Variants in JAKMIP1 observed in about 807,000 individuals in gnomAD.
JAKMIP1 encodes janus kinase and microtubule interacting protein 1, also known as janus kinase and microtubule-interacting protein 1.
In JAKMIP1, 33 loss-of-function variants were observed where a neutral mutation model predicts 113.0. The observed-to-expected ratio is 0.29, with a 90% confidence interval of 0.22 to 0.39. The LOEUF is 0.39. Among genes scored for constraint, JAKMIP1 ranks in the 10% least tolerant of loss-of-function variants. JAKMIP1 has a pLI of 1.00. For missense variants in JAKMIP1, 813 were observed against 1,080.5 expected, an observed-to-expected ratio of 0.75 and a Z score of 3.47; for synonymous variants, 480 against 459.9, an observed-to-expected ratio of 1.04 and a Z score of -0.56.
At position 6,136,073 on chromosome 4, in the gene JAKMIP1, C is replaced by A. The variant is rs370483241; in HGVS notation, c.-147-23076G>T. Among the ~76,000 whole-genome samples the A allele has an allele frequency of 6.0e-4, 91 of 152,182 alleles. 1 individual carries two copies. Among genetic ancestry groups the A allele is most frequent in the African/African-American group, 2.0e-3 (85 of 41,502 alleles). Reference sequence around the variant, plus strand: ...TCAGCCTGGCGAACAGGGTGAAACCCCATCTCTACTAAAGATACAAAAATT... The same window carrying A: ...TCAGCCTGGCGAACAGGGTGAAACCACATCTCTACTAAAGATACAAAAATT... On this transcript the variant is annotated intron_variant, in intron 1 of 20. Coordinates refer to ENST00000409021, the MANE Select transcript of JAKMIP1 (RefSeq NM_001099433.2). This position sits in a 1 kb window ranked among gnomAD's most constrained non-coding sequence, Gnocchi z 5.9.
rs368722129 is a variant in JAKMIP1, at chr4:6,164,078, C to A, written c.-148+36175G>T. On this transcript the variant is annotated intron_variant, in intron 1 of 20. Transcript: ENST00000409021. ...AACATCATTCATGAAGGTGGCTACA[C>A]TGAACAACAGATTTTCCATGCAGAT... is the stretch of plus-strand genomic sequence containing the variant. Among the ~76,000 whole-genome samples, 205 of 152,334 alleles carry A rather than the reference C, an allele frequency of 1.3e-3. 1 individual carries two copies. The South Asian group carries it at 0.04, about 30-fold the overall frequency.
At chr4:6,189,084 A>C (rs770344585) in intron 1 of JAKMIP1, among the ~76,000 whole-genome samples, 2 of 152,222 alleles carry the variant, frequency 1.3e-5, no homozygotes, top group Admixed American at 6.5e-5. Flanking sequence ...AACATCCAGA[A>C]AGAAGGTTTG....
intron 8 of JAKMIP1, among the ~76,000 whole-genome samples, chr4:6,071,386 C>T (rs943326477): frequency 6.6e-6 from 1 of 152,154 alleles, no homozygotes; most frequent in Non-Finnish European, 1.5e-5. Flanking sequence ...CAATCTGGAA[C>T]CTTTGCCTCA....
Position 6,183,886 on chromosome 4 carries a change from A to G in JAKMIP1, c.-148+16367T>C, listed in dbSNP as rs1225639356. ...CCAAAAACGGAATCACAAATGCGGT[A>G]TGCAAATCGTCACAACAGAATATTT... On this transcript the variant is annotated intron_variant, in intron 1 of 20. Coordinates refer to ENST00000409021, the MANE Select transcript of JAKMIP1 (RefSeq NM_001099433.2). The surrounding 1 kb of genome is among the most constrained non-coding windows in gnomAD (Gnocchi z 5.3). 6.6e-6 allele frequency among the ~76,000 whole-genome samples: 1 copy of G among 152,190 alleles called. No individual in the cohort carries two copies. The highest frequency in any genetic ancestry group is 6.5e-5 in the Admixed American group (1 of 15,284).
intron 1 of JAKMIP1, among the ~76,000 whole-genome samples, chr4:6,163,215 G>C (rs4689350): frequency 0.094 from 14,272 of 152,192 alleles, 1,735 homozygotes; most frequent in African/African-American, 0.28. Context: ...TTACGTTTTT[G>C]ACAAATTGAA....
Position 6,138,689 on chromosome 4 carries a change from C to T in JAKMIP1, c.-147-25692G>A, listed in dbSNP as rs1182109829. Among the ~76,000 whole-genome samples the T allele has an allele frequency of 2.0e-5, 3 of 152,098 alleles. No homozygotes were observed. The highest frequency in any genetic ancestry group is 4.4e-5 in the Non-Finnish European group (3 of 68,024). ...TCACGTTCTAGAACCACGGAATGGC[C>T]GTGCAGTGGCGTGTTCTCAACGGCC... On this transcript the variant is annotated intron_variant, in intron 1 of 20. Transcript: ENST00000409021. This position sits in a 1 kb window ranked among gnomAD's most constrained non-coding sequence, Gnocchi z 6.0.
intron 8 of JAKMIP1, among the ~76,000 whole-genome samples, chr4:6,073,077 TAAA>T (rs5855900): frequency 9.7e-5 from 12 of 123,880 alleles, no homozygotes; most frequent in African/African-American, 2.1e-4. Context: ...AACTCTGTCT[TAAA>T]AAAAAAAAAA....
chr4:6,090,012 AGGAGTC>A (rs1721816003), intron 3 of JAKMIP1, among the ~76,000 whole-genome samples: 1 of 152,310 alleles, frequency 6.6e-6, no homozygotes, highest in African/African-American at 2.4e-5. Context: ...ACCTGGGGTC[AGGAGTC>A]TGAGACCAAC....
chr4:6,054,777 C>G (rs765653136), intron 12 of JAKMIP1: 2 of 456,764 alleles, frequency 4.4e-6, no homozygotes, highest in South Asian at 3.1e-5. Context: ...ACAGCAGCAC[C>G]CATCGCCTGG....
intron 3 of JAKMIP1, among the ~76,000 whole-genome samples, chr4:6,090,300 T>G (rs1721867977): frequency 6.6e-6 from 1 of 151,630 alleles, no homozygotes; most frequent in African/African-American, 2.4e-5. Context: ...GAGACTGAAG[T>G]GGTGCGACTG....
chr4:6,048,086 A>T (rs1276183233), intron 16 of JAKMIP1, among the ~76,000 whole-genome samples: 1 of 152,238 alleles, frequency 6.6e-6, no homozygotes, highest in African/African-American at 2.4e-5. Flanking sequence ...TAGATAATAC[A>T]CATAAAAAAC....
In JAKMIP1 at chr4:6,076,253, C is replaced by T. The variant is rs1454978267; in HGVS notation, c.1302+2686G>A. On this transcript the variant is annotated intron_variant, in intron 8 of 20. Coordinates refer to ENST00000409021, the MANE Select transcript of JAKMIP1 (RefSeq NM_001099433.2). This position sits in a 1 kb window ranked among gnomAD's most constrained non-coding sequence, Gnocchi z 4.8. ...ATATAGACAAGTTCTACTCAAACCA[C>T]TTCCTATTTCTGAGTTTCTAATGTC... is the stretch of plus-strand genomic sequence containing the variant. 1.3e-5 allele frequency among the ~76,000 whole-genome samples: 2 copies of T among 152,150 alleles called. No individual in the cohort carries two copies. The highest frequency in any genetic ancestry group is 4.8e-5 in the African/African-American group (2 of 41,446).
At chr4:6,070,616 G>A (rs771482266) in intron 8 of JAKMIP1, among the ~76,000 whole-genome samples, 4 of 152,190 alleles carry the variant, frequency 2.6e-5, no homozygotes, top group Non-Finnish European at 4.4e-5. Flanking sequence ...CAATCGCAAG[G>A]CCCCCGGGGC....
rs1175269072 is a variant in JAKMIP1 at position 6,067,669 on chromosome 4, G to A, written c.1303-2661C>T. 6.9e-6 allele frequency among the ~76,000 whole-genome samples: 1 copy of A among 144,188 alleles called. No homozygotes were observed. Among genetic ancestry groups the A allele is most frequent in the Non-Finnish European group, 1.5e-5 (1 of 66,110 alleles). The allele number at this position is 144,188 out of a possible 152,430, so 94.6% of individuals were successfully genotyped here. ...CACACACACACACAGGTCACCCCCT[G>A]AGCTCCAGGTTCACTCAAGCTCTTC... is the stretch of plus-strand genomic sequence containing the variant. On this transcript the variant is annotated intron_variant, in intron 8 of 20. Coordinates refer to ENST00000409021, the MANE Select transcript of JAKMIP1 (RefSeq NM_001099433.2). The surrounding 1 kb of genome is among the most constrained non-coding windows in gnomAD (Gnocchi z 4.6).
rs1726905339 is a variant in JAKMIP1 at position 6,188,710 on chromosome 4, C to G, written c.-148+11543G>C. ...CTAGAGCACCCCAATTTTTAATATCCTATCCAGCAATAAGACTTGTTTGTG... is the reference window on the plus strand; with the variant it reads ...CTAGAGCACCCCAATTTTTAATATCGTATCCAGCAATAAGACTTGTTTGTG... On this transcript the variant is annotated intron_variant, in intron 1 of 20. Coordinates refer to ENST00000409021, the MANE Select transcript of JAKMIP1 (RefSeq NM_001099433.2). This position sits in a 1 kb window ranked among gnomAD's most constrained non-coding sequence, Gnocchi z 5.8. Among the ~76,000 whole-genome samples, 1 of 152,164 alleles carries G rather than the reference C, an allele frequency of 6.6e-6. No homozygotes were observed. The highest frequency in any genetic ancestry group is 2.4e-5 in the African/African-American group (1 of 41,434).
At chr4:6,196,317 A>G (rs909223978) in intron 1 of JAKMIP1, among the ~76,000 whole-genome samples, 1 of 152,168 alleles carries the variant, frequency 6.6e-6, no homozygotes, top group Non-Finnish European at 1.5e-5. Context: ...AGCCCTTCAC[A>G]GCATGAGGCC....
In JAKMIP1 at chr4:6,086,968, T is replaced by A. The variant is rs1456543928; in HGVS notation, c.625-1339A>T. 1.3e-5 allele frequency among the ~76,000 whole-genome samples: 2 copies of A among 152,130 alleles called. No homozygotes were observed. The highest frequency in any genetic ancestry group is 2.9e-5 in the Non-Finnish European group (2 of 68,030). ...ACAGCCTTAGGGGGAAGTGTGGGCATGCAGACACCTTGATTTCAATCTCCT... is the reference window on the plus strand; with the variant it reads ...ACAGCCTTAGGGGGAAGTGTGGGCAAGCAGACACCTTGATTTCAATCTCCT... On this transcript the variant is annotated intron_variant, in intron 3 of 20. Coordinates refer to ENST00000409021, the MANE Select transcript of JAKMIP1 (RefSeq NM_001099433.2). This position sits in a 1 kb window ranked among gnomAD's most constrained non-coding sequence, Gnocchi z 4.1.
chr4:6,071,691 T>TACCCA (rs1718979335), intron 8 of JAKMIP1, among the ~76,000 whole-genome samples: 1 of 152,196 alleles, frequency 6.6e-6, no homozygotes, highest in Non-Finnish European at 1.5e-5. Flanking sequence ...AGCTCTGCTC[T>TACCCA]ACCCACACCA....
chr4:6,047,965 T>C (rs545582438), intron 16 of JAKMIP1, among the ~76,000 whole-genome samples: 1 of 152,230 alleles, frequency 6.6e-6, no homozygotes, highest in South Asian at 2.1e-4. Context: ...AGAAAGACAA[T>C]GACAATGAAT....
Sources: gnomAD v4.1 joint callset for allele counts (sites outside exome capture counted in the v4.1 genomes callset) on GRCh38, gnomAD v4.1.1 for gene constraint, Gnocchi (gnomAD v3.1) non-coding constraint, MANE v1.5 for transcripts, NCBI Gene and HGNC (gene_info 2026-07-23, HGNC 2026-07-21) for gene names.